The following PIK3R6 variants were observed in gnomAD, a reference collection of about 807,000 sequenced individuals.
The protein encoded by PIK3R6 is phosphoinositide-3-kinase regulatory subunit 6, also known as phosphoinositide 3-kinase regulatory subunit 6.
In PIK3R6, 91 loss-of-function variants were observed where a neutral mutation model predicts 84.9. That is an observed-to-expected ratio of 1.07 (90% CI 0.90 to 1.28). The LOEUF is 1.28. PIK3R6 is among the 50% of genes most tolerant of loss of function. PIK3R6 has a pLI of 0.00. For missense variants in PIK3R6, 996 were observed against 985.1 expected, an observed-to-expected ratio of 1.01 and a Z score of -0.15; for synonymous variants, 416 against 411.4, an observed-to-expected ratio of 1.01 and a Z score of -0.13.
Position 8,837,784 on chromosome 17 carries a change from A to G in PIK3R6, c.258+19T>C, listed in dbSNP as rs1399197600. 6.2e-7 allele frequency: 1 copy of G among 1,607,756 alleles called. No individual in the cohort carries two copies. The highest frequency in any genetic ancestry group is 8.5e-7 in the Non-Finnish European group (1 of 1,174,798). On this transcript the variant is annotated intron_variant, in intron 5 of 19. Coordinates refer to ENST00000619866, the MANE Select transcript of PIK3R6 (RefSeq NM_001010855.4). ...CATGCAGGTCACCACTACCACCTCG[A>G]CCTCAGTCCCCAGCTCACCTTGGTG...
At chr17:8,824,329 C>T (rs2087849212) in intron 13 of PIK3R6, among the ~76,000 whole-genome samples, 1 of 152,194 alleles carries the variant, frequency 6.6e-6, no homozygotes. Flanking sequence ...GCGTCTTGTC[C>T]TCCAGTCCTT....
chr17:8,845,490 AT>A (rs2151289274), intron 2 of PIK3R6, among the ~76,000 whole-genome samples: 1 of 152,030 alleles, frequency 6.6e-6, no homozygotes, highest in South Asian at 2.1e-4. Context: ...TCTTTTACCC[AT>A]TTTTTAAGTG....
Position 8,867,551 on chromosome 17 carries a change from G to A in PIK3R6, c.-114C>T. The A allele has an allele frequency of 2.0e-6, 1 of 491,184 alleles. No individual in the cohort carries two copies. Among genetic ancestry groups the A allele is most frequent in the Non-Finnish European group, 4.1e-6 (1 of 243,688 alleles). 30.4% of individuals were successfully genotyped at this position (491,184 alleles called of 1,614,324 possible). Reference sequence around the variant, plus strand: ...TACCTTGGTTCGGTGGCAGCTTCTGGGCTCCCCAAGTCCTTCAGCCAACTC... The same window carrying A: ...TACCTTGGTTCGGTGGCAGCTTCTGAGCTCCCCAAGTCCTTCAGCCAACTC... On this transcript the variant is annotated 5_prime_UTR_variant, in exon 1 of 20. Transcript: ENST00000619866.
intron 18 of PIK3R6, among the ~76,000 whole-genome samples, chr17:8,807,255 T>G (rs1597373574): frequency 1.3e-5 from 2 of 152,114 alleles, no homozygotes; most frequent in Non-Finnish European, 1.5e-5. Flanking sequence ...AGTTCCGGCT[T>G]GAGATCTAGG....
chr17:8,849,673 G>A (rs2088895046), intron 2 of PIK3R6, 109 bp downstream of exon 2: 1 of 1,275,876 alleles, frequency 7.8e-7, no homozygotes, highest in East Asian at 2.7e-5. Flanking sequence ...CTTGCAGCCT[G>A]TCTATGTGCA....
chr17:8,803,150 G>A lies in PIK3R6; in HGVS notation c.*123C>T, dbSNP rs528187176. ...AGGCTCCCTGTGCTCCCAGGCACTCGCTGGCTCCTGGTCAAGGCCAAAGCT... is the reference window on the plus strand; with the variant it reads ...AGGCTCCCTGTGCTCCCAGGCACTCACTGGCTCCTGGTCAAGGCCAAAGCT... On this transcript the variant is annotated 3_prime_UTR_variant, in exon 20 of 20. Coordinates refer to ENST00000619866, the MANE Select transcript of PIK3R6 (RefSeq NM_001010855.4). The surrounding 1 kb of genome is among the most constrained non-coding windows in gnomAD (Gnocchi z 5.0). 20 of 1,319,154 alleles carry A rather than the reference G, an allele frequency of 1.5e-5. 1 individual carries two copies. Among genetic ancestry groups the A allele is most frequent in the African/African-American group, 1.0e-4 (7 of 67,754 alleles). The allele number at this position is 1,319,154 out of a possible 1,614,324, so 81.7% of individuals were successfully genotyped here. A position where few individuals can be genotyped will look rare whatever the true frequency, so the allele number is the denominator to read the frequency against.
chr17:8,828,507 G>T (rs554597004), intron 11 of PIK3R6, 60 bp downstream of exon 11: 484 of 1,569,748 alleles, frequency 3.1e-4, no homozygotes, highest in Non-Finnish European at 4.0e-4. Context: ...ACCAGCCCAC[G>T]CCAGGCCCAC....
Position 8,839,583 on chromosome 17 carries a change from G to T in PIK3R6, c.97+31C>A. 6.5e-7 allele frequency: 1 copy of T among 1,533,768 alleles called. No homozygotes were observed. The highest frequency in any genetic ancestry group is 1.2e-5 in the South Asian group (1 of 83,222). ...GGCTGGGGTTGGGTGGAGGTCAGAGGGACCAGCTGCTGCTGCCAGCTGGCT... is the reference window on the plus strand; with the variant it reads ...GGCTGGGGTTGGGTGGAGGTCAGAGTGACCAGCTGCTGCTGCCAGCTGGCT... On this transcript the variant is annotated intron_variant, in intron 3 of 19. Transcript: ENST00000619866. The surrounding 1 kb of genome is among the most constrained non-coding windows in gnomAD (Gnocchi z 4.2).
rs2087109422 is a variant in PIK3R6 at position 8,803,634 on chromosome 17, C to G, written c.2109-205G>C. The G allele has an allele frequency of 3.5e-6, 2 of 579,238 alleles. No individual in the cohort carries two copies. The highest frequency in any genetic ancestry group is 6.0e-6 in the Non-Finnish European group (2 of 333,488). 35.9% of individuals were successfully genotyped at this position (579,238 alleles called of 1,614,324 possible). A position where few individuals can be genotyped will look rare whatever the true frequency, so the allele number is the denominator to read the frequency against. ...TCACCGGGAGAGGAGACACTTGGAG[C>G]AAGTAACTCTGCGCATGCCTCCCTT... On this transcript the variant is annotated intron_variant, in intron 19 of 19. Coordinates refer to ENST00000619866, the MANE Select transcript of PIK3R6 (RefSeq NM_001010855.4). This position sits in a 1 kb window ranked among gnomAD's most constrained non-coding sequence, Gnocchi z 5.0.
chr17:8,814,916 A>AAG (rs35846942), intron 18 of PIK3R6, among the ~76,000 whole-genome samples: 13,027 of 151,840 alleles, frequency 0.086, 1,052 homozygotes, highest in East Asian at 0.31. Context: ...ATGGCTTCCA[A>AAG]AGAGAGAGAG....
chr17:8,832,760 C>A, intron 9 of PIK3R6, 129 bp downstream of exon 9: 1 of 1,430,308 alleles, frequency 7.0e-7, no homozygotes. Context: ...CCCCAGTCCC[C>A]AGGCTCCTGG....
chr17:8,831,619 C>T (rs1023959573), intron 9 of PIK3R6, among the ~76,000 whole-genome samples: 3 of 152,146 alleles, frequency 2.0e-5, no homozygotes, highest in Non-Finnish European at 2.9e-5. Context: ...GACTATCCTG[C>T]CCACCTCACC....
chr17:8,832,616 C>T (rs1483053255), intron 9 of PIK3R6, among the ~76,000 whole-genome samples: 4 of 150,442 alleles, frequency 2.7e-5, no homozygotes, highest in Non-Finnish European at 5.9e-5. Flanking sequence ...GTTGCCTAGG[C>T]TGGTCTCGAA....
chr17:8,829,536 G>T (rs972783752), intron 10 of PIK3R6, among the ~76,000 whole-genome samples, 170 bp downstream of exon 10: 1 of 122,664 alleles, frequency 8.2e-6, no homozygotes, highest in South Asian at 2.9e-4. Flanking sequence ...ACTGACACAC[G>T]CATGCACACA....
Position 8,803,785 on chromosome 17 carries a change from G to A in PIK3R6, c.2108+256C>T. On this transcript the variant is annotated intron_variant, in intron 19 of 19. Transcript: ENST00000619866. This position sits in a 1 kb window ranked among gnomAD's most constrained non-coding sequence, Gnocchi z 5.0. ...GGACTGGATCAGGAGGCTGCAGGCT[G>A]AGTGTATGCAGAGGCATCTGGGGAA... 1 of 577,840 alleles carries A rather than the reference G, an allele frequency of 1.7e-6. No homozygotes were observed. Among genetic ancestry groups the A allele is most frequent in the South Asian group, 2.1e-5 (1 of 48,246 alleles). 35.8% of individuals were successfully genotyped at this position (577,840 alleles called of 1,614,324 possible).
intron 17 of PIK3R6, among the ~76,000 whole-genome samples, chr17:8,821,579 G>A (rs540072726): frequency 1.2e-4 from 18 of 152,130 alleles, no homozygotes; most frequent in African/African-American, 3.6e-4. Flanking sequence ...TCCCAATTCC[G>A]TGGCAGGAGG....
At chr17:8,819,819 T>C (rs2087666878) in intron 17 of PIK3R6, among the ~76,000 whole-genome samples, 1 of 146,392 alleles carries the variant, frequency 6.8e-6, no homozygotes, top group Non-Finnish European at 1.5e-5. Context: ...CGTATATACA[T>C]ATATACGTAT....
chr17:8,820,112 AT>A (rs550540929), intron 17 of PIK3R6, among the ~76,000 whole-genome samples: 24,323 of 142,410 alleles, frequency 0.17, 2,061 homozygotes, highest in Middle Eastern at 0.22. Context: ...ACACTGGCTA[AT>A]TTTTTTTTTT....
At chr17:8,804,399 G>A (rs958822358) in intron 18 of PIK3R6, among the ~76,000 whole-genome samples, 8 of 152,274 alleles carry the variant, frequency 5.3e-5, no homozygotes, top group Middle Eastern at 3.4e-3. Context: ...GAACACAAAC[G>A]GGAATGCTGT....
Sources: gnomAD v4.1 joint callset for allele counts (sites outside exome capture counted in the v4.1 genomes callset) on GRCh38, gnomAD v4.1.1 for gene constraint, Gnocchi (gnomAD v3.1) non-coding constraint, MANE v1.5 for transcripts, NCBI Gene and HGNC (gene_info 2026-07-23, HGNC 2026-07-21) for gene names.